The following BEND5 variants were observed in gnomAD, a reference collection of about 807,000 sequenced individuals.
The protein encoded by BEND5 is BEN domain-containing protein 5.
Under a neutral mutation model 43.9 loss-of-function variants are expected in BEND5, and 22 were observed. The ratio of observed to expected loss-of-function variants is 0.50; its 90% CI spans 0.36 to 0.72. The LOEUF is 0.72. Among genes scored for constraint, BEND5 ranks in the 30% least tolerant of loss-of-function variants. BEND5 has a pLI of 0.00. For synonymous variants in BEND5, 228 were observed against 225.9 expected, an observed-to-expected ratio of 1.01 and a Z score of -0.08; for missense variants, 428 against 550.6, an observed-to-expected ratio of 0.78 and a Z score of 2.23.
chr1:48,743,522 A>G (rs1650261802), intron 3 of BEND5, among the ~76,000 whole-genome samples: 1 of 152,232 alleles, frequency 6.6e-6, no homozygotes, highest in Non-Finnish European at 1.5e-5. Context: ...TGGGTAAATA[A>G]GGCCAAATGA....
intron 5 of BEND5, 87 bp from the exon 6 acceptor site, chr1:48,728,130 C>T (rs995438187): frequency 2.1e-5 from 25 of 1,207,038 alleles, no homozygotes; most frequent in Middle Eastern, 2.9e-4. Context: ...ATGTACCTCC[C>T]AACATACTTC....
At chr1:48,755,044 G>A (rs1422816360) in intron 3 of BEND5, among the ~76,000 whole-genome samples, 1 of 152,142 alleles carries the variant, frequency 6.6e-6, no homozygotes, top group African/African-American at 2.4e-5. Context: ...ATCTTTTCTT[G>A]TGTGTGGAAT....
At chr1:48,738,373 C>A (rs1649397289) in intron 4 of BEND5, among the ~76,000 whole-genome samples, 1 of 152,214 alleles carries the variant, frequency 6.6e-6, no homozygotes, top group African/African-American at 2.4e-5. Context: ...TTCATCCGCT[C>A]AGGAAAGATA....
intron 3 of BEND5, among the ~76,000 whole-genome samples, chr1:48,749,645 G>C (rs1430303717): frequency 1.3e-5 from 2 of 152,112 alleles, no homozygotes; most frequent in Non-Finnish European, 2.9e-5. Context: ...ACATTCCTAG[G>C]GGGTCTGTGA....
intron 4 of BEND5, among the ~76,000 whole-genome samples, chr1:48,741,672 C>G (rs1649931261): frequency 6.6e-6 from 1 of 152,120 alleles, no homozygotes; most frequent in Non-Finnish European, 1.5e-5. Flanking sequence ...TGGACAAACC[C>G]AAATAAAACA....
intron 5 of BEND5, among the ~76,000 whole-genome samples, chr1:48,734,097 A>G (rs1648616958): frequency 6.6e-6 from 1 of 152,070 alleles, no homozygotes; most frequent in Non-Finnish European, 1.5e-5. Context: ...TCTCAGGGTG[A>G]CCTCCCAAAT....
chr1:48,770,668 C>G (rs1644772668), intron 1 of BEND5, among the ~76,000 whole-genome samples: 1 of 152,268 alleles, frequency 6.6e-6, no homozygotes, highest in East Asian at 1.9e-4. Flanking sequence ...TTCCATGGGC[C>G]CTTAAGATTC....
chr1:48,770,140 C>T (rs937186981), intron 1 of BEND5, among the ~76,000 whole-genome samples: 1 of 152,194 alleles, frequency 6.6e-6, no homozygotes, highest in Non-Finnish European at 1.5e-5. Context: ...CATTCTCTGA[C>T]CCCAACTCTG....
At chr1:48,769,737 T>C (rs1293475862) in intron 1 of BEND5, among the ~76,000 whole-genome samples, 1 of 152,176 alleles carries the variant, frequency 6.6e-6, no homozygotes, top group Non-Finnish European at 1.5e-5. Context: ...GAACCTACTA[T>C]ATGCCAGATA....
chr1:48,750,096 C>T (rs1177619705), intron 3 of BEND5, among the ~76,000 whole-genome samples: 2 of 152,232 alleles, frequency 1.3e-5, no homozygotes, highest in Non-Finnish European at 1.5e-5. Context: ...TCTGCTGATA[C>T]TCCCTTCAGG....
intron 4 of BEND5, among the ~76,000 whole-genome samples, chr1:48,738,697 C>T (rs1374259880): frequency 6.6e-6 from 1 of 152,090 alleles, no homozygotes; most frequent in Non-Finnish European, 1.5e-5. Flanking sequence ...CTGCTTTTTT[C>T]CCCCACCACT....
At chr1:48,743,166 A>C (rs1287089911) in intron 3 of BEND5, among the ~76,000 whole-genome samples, 2 of 152,212 alleles carry the variant, frequency 1.3e-5, no homozygotes, top group Admixed American at 1.3e-4. Flanking sequence ...AGTATCTTAC[A>C]GTGGAGAAGG....
At chr1:48,741,937 C>T (rs1334576494) in intron 4 of BEND5, among the ~76,000 whole-genome samples, 2 of 152,196 alleles carry the variant, frequency 1.3e-5, no homozygotes, top group East Asian at 3.8e-4. Context: ...AAATTTCCTC[C>T]CCTGCCCTGC....
intron 4 of BEND5, among the ~76,000 whole-genome samples, chr1:48,740,918 C>T (rs1452362015): frequency 1.3e-5 from 2 of 152,152 alleles, no homozygotes; most frequent in Admixed American, 1.3e-4. Context: ...AAATAAAAAC[C>T]AGGTTAGTCT....
chr1:48,761,171 GCAAATACACA>G, intron 2 of BEND5, 156 bp downstream of exon 2: 1 of 750,712 alleles, frequency 1.3e-6, no homozygotes, highest in East Asian at 2.8e-5. Context: ...GGCCAGCAAG[GCAAATACACA>G]CGAGTTGTCC....
Position 48,736,309 on chromosome 1 carries a change from G to A in BEND5, c.1038C>T (p.Val346=), listed in dbSNP as rs767701984. 56 of 1,613,808 alleles carry A rather than the reference G, an allele frequency of 3.5e-5. No homozygotes were observed. The highest frequency in any genetic ancestry group is 1.6e-4 in the Middle Eastern group (1 of 6,082). Residue 346 remains valine (V), a synonymous_variant, in exon 5 of 6, where the codon GTC becomes GTT. Coordinates refer to ENST00000371833, the MANE Select transcript of BEND5 (RefSeq NM_024603.4). The surrounding 1 kb of genome is among the most constrained non-coding windows in gnomAD (Gnocchi z 4.0). The stretch of plus-strand genomic sequence containing the variant: ...CTGCATCTTTCTTTTTTTTTGTGGC[G>A]ACGCCTGTGACGCTTCTGTTTTTCA... ...DVLKNRSVTG[V]ATKKKKDAVP...
At chr1:48,769,178 A>G (rs189868970) in intron 1 of BEND5, among the ~76,000 whole-genome samples, 32 of 152,268 alleles carry the variant, frequency 2.1e-4, no homozygotes, top group Non-Finnish European at 2.2e-4. Context: ...CAGCTGTGTA[A>G]TGTAGGGTAA....
chr1:48,744,554 G>A (rs1380597442), intron 3 of BEND5, among the ~76,000 whole-genome samples: 2 of 152,120 alleles, frequency 1.3e-5, no homozygotes, highest in African/African-American at 4.8e-5. Flanking sequence ...ACTCACTCAC[G>A]GTCATTTTTA....
At chr1:48,731,211 G>A (rs1212087544) in intron 5 of BEND5, among the ~76,000 whole-genome samples, 1 of 152,032 alleles carries the variant, frequency 6.6e-6, no homozygotes, top group Non-Finnish European at 1.5e-5. Context: ...CAAATAATTA[G>A]GCTAAAAACA....
Sources: gnomAD v4.1 joint callset for allele counts (sites outside exome capture counted in the v4.1 genomes callset) on GRCh38, gnomAD v4.1.1 for gene constraint, Gnocchi (gnomAD v3.1) non-coding constraint, MANE v1.5 for transcripts, NCBI Gene and HGNC (gene_info 2026-07-23, HGNC 2026-07-21) for gene names.